Variants in DNAAF9 observed in about 807,000 individuals in gnomAD.
The protein encoded by DNAAF9 is dynein axonemal assembly factor 9, also known as shulin.
DNAAF9 carries 90 observed loss-of-function variants against 167.0 expected under a neutral mutation model. That is an observed-to-expected ratio of 0.54 (90% CI 0.45 to 0.64). The LOEUF is 0.64. DNAAF9 is among the 30% of genes least tolerant of loss of function. DNAAF9 has a pLI of 0.00. For missense variants in DNAAF9, 1,315 were observed against 1,442.2 expected (o/e 0.91, Z 1.43); for synonymous variants, 491 against 508.8 (o/e 0.96, Z 0.47).
chr20:3,373,991 T>C (rs1381528440), intron 6 of DNAAF9, 57 bp downstream of exon 6: 3 of 1,084,466 alleles, frequency 2.8e-6, no homozygotes, highest in Non-Finnish European at 4.3e-6. Flanking sequence ...ACATGGGTTC[T>C]TCATAAAAAC....
At chr20:3,295,471 G>A (rs6084333) in intron 23 of DNAAF9, 73,677 of 285,978 alleles carry the variant, frequency 0.26, 10,644 homozygotes, top group East Asian at 0.37. Context: ...GAACCACTGC[G>A]CCTGACCTTT....
intron 18 of DNAAF9, chr20:3,316,029 A>T (rs2069494723): frequency 3.6e-6 from 2 of 558,608 alleles, no homozygotes; most frequent in Non-Finnish European, 6.4e-6. Flanking sequence ...TATGACAAGC[A>T]GAGGGGATGT....
chr20:3,336,109 C>A (rs571221890), intron 10 of DNAAF9, among the ~76,000 whole-genome samples: 1 of 152,068 alleles, frequency 6.6e-6, no homozygotes, highest in East Asian at 1.9e-4. Flanking sequence ...GGTGACAGAG[C>A]GAGACCCCAT....
At chr20:3,294,098 T>C (rs1484875449) in intron 25 of DNAAF9, 41 bp downstream of exon 25, 3 of 1,119,282 alleles carry the variant, frequency 2.7e-6, no homozygotes, top group Non-Finnish European at 4.1e-6. Flanking sequence ...CTCAAGATCA[T>C]CTTCCTGTGA....
intron 30 of DNAAF9, among the ~76,000 whole-genome samples, chr20:3,269,942 A>G (rs1318856390): frequency 6.7e-6 from 1 of 149,936 alleles, no homozygotes; most frequent in African/African-American, 2.5e-5. Context: ...TGGACGACAG[A>G]GGGAGACTCC....
At chr20:3,362,647 T>C (rs2083378926) in intron 6 of DNAAF9, among the ~76,000 whole-genome samples, 1 of 152,196 alleles carries the variant, frequency 6.6e-6, no homozygotes, top group African/African-American at 2.4e-5. Context: ...TAGCTGCCTA[T>C]AGCACCCGCC....
In DNAAF9 at chr20:3,305,686, T is replaced by G. The variant is rs1247296795; in HGVS notation, c.1679-1143A>C. 3.9e-5 allele frequency among the ~76,000 whole-genome samples: 6 copies of G among 152,190 alleles called. No homozygotes were observed. The East Asian group carries it at 1.2e-3, about 29-fold the overall frequency. On this transcript the variant is annotated intron_variant, in intron 20 of 36. Coordinates refer to ENST00000252032, the MANE Select transcript of DNAAF9 (RefSeq NM_001009984.3). ...TTTCAGAAGGAAGGGAGGGGCCTAG[T>G]TAGTATGTGTTCACAGGGGACAGGA...
intron 6 of DNAAF9, chr20:3,361,843 G>C: frequency 6.9e-7 from 1 of 1,441,144 alleles, no homozygotes; most frequent in African/African-American, 1.4e-5. Flanking sequence ...ATCGAATGTT[G>C]GGGGGAAGGG....
At chr20:3,351,513 C>A (rs6037567) in intron 7 of DNAAF9, among the ~76,000 whole-genome samples, 29,852 of 151,646 alleles carry the variant, frequency 0.2, 3,142 homozygotes, top group African/African-American at 0.25. Context: ...CAACTGATGG[C>A]AACTATAAGA....
chr20:3,357,768 G>A (rs953717725), intron 7 of DNAAF9, among the ~76,000 whole-genome samples: 10 of 151,582 alleles, frequency 6.6e-5, no homozygotes, highest in African/African-American at 2.4e-4. Flanking sequence ...GTACAATCTC[G>A]GCTCATTGCA....
At chr20:3,254,539 C>T (rs77512162) in intron 35 of DNAAF9, among the ~76,000 whole-genome samples, 1,638 of 152,232 alleles carry the variant, frequency 0.011, 32 homozygotes, top group African/African-American at 0.038. Context: ...CTACCTTATG[C>T]CCATGTTGTC....
At chr20:3,326,316 C>T (rs2069710373) in intron 12 of DNAAF9, 32 bp from the exon 13 acceptor site, 5 of 1,421,802 alleles carry the variant, frequency 3.5e-6, no homozygotes, top group Non-Finnish European at 5.0e-6. Context: ...GTTAACATTA[C>T]AGCATCATGA....
chr20:3,401,406 G>A (rs542785549), intron 1 of DNAAF9, among the ~76,000 whole-genome samples: 1 of 151,856 alleles, frequency 6.6e-6, no homozygotes, highest in African/African-American at 2.4e-5. Context: ...TTTTTCCAAG[G>A]CCAGGCTGGT....
intron 9 of DNAAF9, 149 bp from the exon 10 acceptor site, chr20:3,340,788 G>A: frequency 1.5e-6 from 1 of 675,942 alleles, no homozygotes; most frequent in African/African-American, 1.8e-5. Context: ...AATATCCTTG[G>A]CTGGTTGGAA....
Position 3,315,147 on chromosome 20 carries a change from A to C in DNAAF9, c.1591-27T>G. On this transcript the variant is annotated intron_variant, in intron 19 of 36. Transcript: ENST00000252032. The surrounding 1 kb of genome is among the most constrained non-coding windows in gnomAD (Gnocchi z 4.1). ...TTTAAAAACAACAACAAAAACAAAA[A>C]TCCAAAAAAGAATAGGTGATTTATA... 2.9e-6 allele frequency: 4 copies of C among 1,371,512 alleles called. No individual in the cohort carries two copies. Among genetic ancestry groups the C allele is most frequent in the South Asian group, 1.2e-5 (1 of 85,664 alleles). 85.0% of individuals were successfully genotyped at this position (1,371,512 alleles called of 1,614,324 possible). A position where few individuals can be genotyped will look rare whatever the true frequency, so the allele number is the denominator to read the frequency against.
rs143221605 is a variant in DNAAF9 at position 3,289,057 on chromosome 20, G to C, written c.2327+1072C>G. ...TCCCAGACCATCCAATTTAAAATTG[G>C]AATCTAAGCTGGGTGCACAGTAGCG... On this transcript the variant is annotated intron_variant, in intron 26 of 36. Coordinates refer to ENST00000252032, the MANE Select transcript of DNAAF9 (RefSeq NM_001009984.3). 2.0e-5 allele frequency among the ~76,000 whole-genome samples: 3 copies of C among 152,212 alleles called. No homozygotes were observed. The East Asian group carries it at 5.8e-4, about 29-fold the overall frequency.
At chr20:3,332,887 CGTGTGTGCGTGTGGTGTGT>C (rs1568610144) in intron 10 of DNAAF9, among the ~76,000 whole-genome samples, 1 of 114,252 alleles carries the variant, frequency 8.8e-6, no homozygotes. Context: ...TGCGTGTGTG[CGTGTGTGCGTGTGGTGTGT>C]GTGTGTGTGT....
intron 29 of DNAAF9, among the ~76,000 whole-genome samples, chr20:3,276,777 G>T (rs1045821914): frequency 1.3e-5 from 2 of 152,214 alleles, no homozygotes; most frequent in Non-Finnish European, 1.5e-5. Flanking sequence ...GAAGGCTCCA[G>T]CATTTACAAG....
intron 13 of DNAAF9, among the ~76,000 whole-genome samples, chr20:3,325,225 C>T (rs576963145): frequency 3.3e-5 from 5 of 152,298 alleles, no homozygotes; most frequent in South Asian, 4.1e-4. Flanking sequence ...TGGAACCTGA[C>T]GTGCTGGATC....
Sources: allele counts gnomAD v4.1 joint callset (sites outside exome capture counted in the v4.1 genomes callset), GRCh38; gene constraint gnomAD v4.1.1; non-coding constraint Gnocchi (gnomAD v3.1); transcripts MANE v1.5; gene names NCBI Gene and HGNC (gene_info 2026-07-23, HGNC 2026-07-21).